Variants in SCG5 observed in about 807,000 individuals in gnomAD.
The protein encoded by SCG5 is secretogranin V, also known as neuroendocrine protein 7B2.
A neutral mutation model predicts 25.7 loss-of-function variants in SCG5; 18 were observed. That is an observed-to-expected ratio of 0.70 (90% CI 0.48 to 1.04). The LOEUF (loss-of-function observed/expected upper bound fraction) is 1.04. Ranked by LOEUF, SCG5 falls within the 50% of genes least tolerant of loss-of-function variation. The probability of loss-of-function intolerance (pLI) is 0.00; values close to 1 mark genes in which losing one functional copy is unlikely to be tolerated. For missense variants in SCG5, 206 were observed against 259.8 expected (o/e 0.79, Z 1.42); for synonymous variants, 101 against 91.7 (o/e 1.10, Z -0.58).
intron 2 of SCG5, among the ~76,000 whole-genome samples, chr15:32,679,054 T>A (rs771756435): frequency 3.9e-5 from 6 of 152,216 alleles, no homozygotes; most frequent in Admixed American, 3.9e-4. Flanking sequence ...TTGCCTTCCT[T>A]TCTTGACCCA....
In SCG5 at chr15:32,643,673, C is replaced by G. The variant is rs1172323658; in HGVS notation, c.81C>G (p.Tyr27Ter). The part of the protein sequence containing the change: ...LASGWTPAFA[Y>*]SPRTPDRVSE... ...CTGGATGGACTCCAGCATTTGCTTA[C>G]AGCCCCCGGACCCCTGACCGGGTCT... Residue 27 changes from tyrosine (Y) to a stop codon, truncating the protein, a stop_gained, in exon 2 of 6, where the codon TAC (tyrosine) becomes TAG (stop). Coordinates refer to ENST00000300175, the MANE Select transcript of SCG5 (RefSeq NM_001144757.3). LOFTEE classifies it high-confidence loss of function. The G allele has an allele frequency of 2.5e-6, 4 of 1,613,998 alleles. No individual in the cohort carries two copies. The highest frequency in any genetic ancestry group is 2.5e-6 in the Non-Finnish European group (3 of 1,179,894).
At chr15:32,663,284 T>C (rs1447448843) in intron 2 of SCG5, among the ~76,000 whole-genome samples, 1 of 151,816 alleles carries the variant, frequency 6.6e-6, no homozygotes, top group Non-Finnish European at 1.5e-5. Context: ...TCCATTCCCC[T>C]TAGCCATTCC....
chr15:32,690,418 A>G (rs1460168153), intron 4 of SCG5, among the ~76,000 whole-genome samples: 6 of 152,260 alleles, frequency 3.9e-5, no homozygotes, highest in African/African-American at 1.4e-4. Context: ...AGGCAACCAC[A>G]GACTGTAGAG....
intron 5 of SCG5, among the ~76,000 whole-genome samples, chr15:32,693,326 A>G (rs1456118018): frequency 6.6e-6 from 1 of 152,234 alleles, no homozygotes; most frequent in East Asian, 1.9e-4. Context: ...GACACATGCT[A>G]TAAAGGATTT....
At chr15:32,644,983 T>C (rs2053920131) in intron 2 of SCG5, among the ~76,000 whole-genome samples, 1 of 152,234 alleles carries the variant, frequency 6.6e-6, no homozygotes, top group Non-Finnish European at 1.5e-5. Context: ...TCGGTGAGAT[T>C]GTAGTCTGTT....
At chr15:32,666,284 G>A (rs1233090366) in intron 2 of SCG5, 5 of 152,180 alleles carry the variant, frequency 3.3e-5, no homozygotes, top group Admixed American at 3.3e-4. Context: ...GAACATGCCT[G>A]CTCTTATAAA....
chr15:32,643,742 A>C lies in SCG5; in HGVS notation c.150A>C (p.Gln50His), dbSNP rs2053902533. Residue 50 changes from glutamine to histidine, a missense_variant, in exon 2 of 6, where the codon CAA (glutamine) becomes CAC (histidine). Transcript: ENST00000300175. ...GGCTGCTTCATGGTGTTATGGAGCAATTGGGCATTGCCAGGCCCCGAGTGG... is the reference window on the plus strand; with the variant it reads ...GGCTGCTTCATGGTGTTATGGAGCACTTGGGCATTGCCAGGCCCCGAGTGG... ...IQRLLHGVME[Q>H]LGIARPRVEY... The C allele has an allele frequency of 1.9e-6, 3 of 1,613,842 alleles. No individual in the cohort carries two copies. In the African/African-American group the frequency reaches 4.0e-5, roughly 22 times the overall value.
intron 2 of SCG5, among the ~76,000 whole-genome samples, chr15:32,663,164 T>C (rs558345829): frequency 6.7e-6 from 1 of 149,660 alleles, no homozygotes; most frequent in East Asian, 2.0e-4. Context: ...TTTATTGAGA[T>C]ATAATTCACA....
intron 2 of SCG5, among the ~76,000 whole-genome samples, chr15:32,679,139 T>C (rs2054574052): frequency 6.6e-6 from 1 of 152,104 alleles, no homozygotes; most frequent in African/African-American, 2.4e-5. Context: ...TTCCAGCTTT[T>C]CCAAGAAGCC....
chr15:32,659,471 A>G (rs964706938), intron 2 of SCG5, among the ~76,000 whole-genome samples: 4 of 152,244 alleles, frequency 2.6e-5, no homozygotes, highest in Admixed American at 2.6e-4. Context: ...ACCAAGACAG[A>G]GTGATACTTA....
At chr15:32,688,680 C>T (rs181310161) in intron 4 of SCG5, among the ~76,000 whole-genome samples, 82 of 152,170 alleles carry the variant, frequency 5.4e-4, no homozygotes, top group Middle Eastern at 6.8e-3. Context: ...ATTAATAGGC[C>T]GGGCACAGTG....
chr15:32,645,649 G>A lies in SCG5; in HGVS notation c.226+1831G>A, dbSNP rs962434898. Among the ~76,000 whole-genome samples, 10 of 152,120 alleles carry A rather than the reference G, an allele frequency of 6.6e-5. 1 individual carries two copies. Among genetic ancestry groups the A allele is most frequent in the Admixed American group, 3.9e-4 (6 of 15,268 alleles). ...GACCTGGGTTTTGAAGTTTGAGTAA[G>A]AGTTCATCAGGGAACCATAAGTGTA... On this transcript the variant is annotated intron_variant, in intron 2 of 5. Transcript: ENST00000300175.
intron 4 of SCG5, among the ~76,000 whole-genome samples, chr15:32,690,354 C>G (rs1022983853): frequency 7.9e-5 from 12 of 152,232 alleles, no homozygotes; most frequent in African/African-American, 2.9e-4. Context: ...CTTCCCAGCT[C>G]TAACACCAGC....
At chr15:32,657,220 T>TATATATATATATATATATATATATA (rs71113464) in intron 2 of SCG5, among the ~76,000 whole-genome samples, 171 of 106,472 alleles carry the variant, frequency 1.6e-3, no homozygotes, top group Non-Finnish European at 2.4e-3. Flanking sequence ...TATGTATGTA[T>TATATATATATATATATATATATATA]TTCCAGGTGT....
intron 2 of SCG5, among the ~76,000 whole-genome samples, chr15:32,678,702 A>T (rs2054567888): frequency 6.6e-6 from 1 of 152,212 alleles, no homozygotes; most frequent in Non-Finnish European, 1.5e-5. Flanking sequence ...ATCTATCCTG[A>T]GGAAAATTAA....
intron 5 of SCG5, among the ~76,000 whole-genome samples, chr15:32,694,808 G>A (rs2054925682): frequency 6.6e-6 from 1 of 152,234 alleles, no homozygotes; most frequent in African/African-American, 2.4e-5. Context: ...GCGTTTAGCA[G>A]TCAGAATGTG....
chr15:32,680,188 G>T (rs1453042574), intron 3 of SCG5, among the ~76,000 whole-genome samples: 1 of 132,000 alleles, frequency 7.6e-6, no homozygotes. Context: ...TTCTGCACTT[G>T]CTACTCTTTT....
chr15:32,648,563 TACTCCCTACTTTGTTCC>T (rs2053982448), intron 2 of SCG5, among the ~76,000 whole-genome samples: 2 of 152,118 alleles, frequency 1.3e-5, no homozygotes, highest in South Asian at 4.2e-4. Context: ...CAGTCAATCG[TACTCCCTACTTTGTTCC>T]ACGCATTCTG....
At chr15:32,679,296 G>T (rs1336726286) in intron 2 of SCG5, among the ~76,000 whole-genome samples, 1 of 151,772 alleles carries the variant, frequency 6.6e-6, no homozygotes, top group East Asian at 1.9e-4. Flanking sequence ...TCGGGTTCAA[G>T]TGATTCTCCT....
Sources: gnomAD v4.1 joint callset for allele counts (sites outside exome capture counted in the v4.1 genomes callset) on GRCh38, gnomAD v4.1.1 for gene constraint, MANE v1.5 for transcripts, NCBI Gene and HGNC (gene_info 2026-07-23, HGNC 2026-07-21) for gene names.